The following ATP1A2 variants were observed in gnomAD, a reference collection of about 807,000 sequenced individuals.
ATP1A2 encodes sodium/potassium-transporting ATPase subunit alpha-2.
A neutral mutation model predicts 113.1 loss-of-function variants in ATP1A2; 56 were observed. The observed-to-expected ratio is 0.49, with a 90% CI of 0.40 to 0.62. The LOEUF (loss-of-function observed/expected upper bound fraction) is 0.62, where lower values mean the gene tolerates loss of function less well. Among genes scored for constraint, ATP1A2 ranks in the 20% least tolerant of loss-of-function variants. ATP1A2 has a pLI of 0.00. For missense variants in ATP1A2, 712 were observed against 1,357.8 expected, an observed-to-expected ratio of 0.52 and a Z score of 7.47; for synonymous variants, 490 against 526.8, an observed-to-expected ratio of 0.93 and a Z score of 0.96.
rs1212756648 is a variant in ATP1A2, at chr1:160,135,614, G to A, written c.2284+12G>A. ...GGGGGTGGAGGAGGGTGAGGAGGCT[G>A]CATGGGTTGGGATGGTTTGCAGGAT... On this transcript the variant is annotated intron_variant, in intron 16 of 22. Coordinates refer to ENST00000361216, the MANE Select transcript of ATP1A2 (RefSeq NM_000702.4). The surrounding 1 kb of genome is among the most constrained non-coding windows in gnomAD (Gnocchi z 6.3). 4.3e-6 allele frequency: 7 copies of A among 1,613,384 alleles called. No homozygotes were observed. The highest frequency in any genetic ancestry group is 5.1e-6 in the Non-Finnish European group (6 of 1,180,022).
chr1:160,121,614 T>C (rs1558002747), intron 3 of ATP1A2, among the ~76,000 whole-genome samples: 1 of 152,372 alleles, frequency 6.6e-6, no homozygotes, highest in East Asian at 1.9e-4. Flanking sequence ...CCCATTCCTG[T>C]GGTTACAGTG....
intron 1 of ATP1A2, among the ~76,000 whole-genome samples, chr1:160,120,242 G>A (rs1651349385): frequency 6.6e-6 from 1 of 152,014 alleles, no homozygotes; most frequent in Admixed American, 6.6e-5. Flanking sequence ...GGATGGAGAG[G>A]GCTCCCAGCA....
rs1421588242 is a variant in ATP1A2 at position 160,136,569 on chromosome 1, G to A, written c.2564-1G>A. 6.2e-7 allele frequency: 1 copy of A among 1,614,116 alleles called. No individual in the cohort carries two copies. The highest frequency in any genetic ancestry group is 8.5e-7 in the Non-Finnish European group (1 of 1,180,038). On this transcript the variant is annotated splice_acceptor_variant, in intron 18 of 22. Transcript: ENST00000361216. LOFTEE classifies it high-confidence loss of function. ...CCCTGCCTTTGGCCCTCTACCCACA[G>A]GGATGATCCAGGCACTGGGTGGCTT...
intron 1 of ATP1A2, among the ~76,000 whole-genome samples, chr1:160,119,030 T>C (rs1381115118): frequency 6.6e-6 from 1 of 151,776 alleles, no homozygotes; most frequent in Non-Finnish European, 1.5e-5. Context: ...ACTTAAACTA[T>C]GGGCTTTGGA....
chr1:160,131,711 A>C (rs1255047885), intron 13 of ATP1A2, among the ~76,000 whole-genome samples: 1 of 152,084 alleles, frequency 6.6e-6, no homozygotes, highest in African/African-American at 2.4e-5. Flanking sequence ...GGTGCCTGTA[A>C]TCCCAGCTCC....
chr1:160,121,113 C>T (rs970621634), intron 2 of ATP1A2, 79 bp from the exon 3 acceptor site: 19 of 1,600,398 alleles, frequency 1.2e-5, no homozygotes, highest in African/African-American at 1.1e-4. Context: ...TGCTGCTCAA[C>T]TCACCCCTGT....
At chr1:160,139,467 CAAAT>C (rs1233665218) in intron 20 of ATP1A2, among the ~76,000 whole-genome samples, 169 bp from the exon 21 acceptor site, 1 of 152,206 alleles carries the variant, frequency 6.6e-6, no homozygotes, top group Non-Finnish European at 1.5e-5. Flanking sequence ...AGCAGAAAAA[CAAAT>C]AACATCTTCC....
chr1:160,136,513 G>A, intron 18 of ATP1A2, 57 bp from the exon 19 acceptor site: 1 of 1,613,468 alleles, frequency 6.2e-7, no homozygotes, highest in Non-Finnish European at 8.5e-7. Flanking sequence ...CTGAGGGGCT[G>A]TGCCCCTTCT....
At chr1:160,121,282 A>C in intron 3 of ATP1A2, 31 bp downstream of exon 3, 2 of 1,612,666 alleles carry the variant, frequency 1.2e-6, no homozygotes, top group Non-Finnish European at 1.7e-6. Context: ...GGAAGGAACA[A>C]AAGAGGCAAG....
chr1:160,123,638 T>C (rs996670758), intron 4 of ATP1A2, among the ~76,000 whole-genome samples: 6 of 152,176 alleles, frequency 3.9e-5, no homozygotes, highest in African/African-American at 9.7e-5. Context: ...AATGAAACAA[T>C]CTCTCCCTGT....
intron 1 of ATP1A2, among the ~76,000 whole-genome samples, chr1:160,119,533 A>G (rs1335524883): frequency 6.6e-6 from 1 of 152,056 alleles, no homozygotes; most frequent in Non-Finnish European, 1.5e-5. Context: ...GGAACTTTTC[A>G]TGGCTACCCA....
rs1651663191 is a variant in ATP1A2 at position 160,128,675 on chromosome 1, G to A, written c.1041G>A (p.Lys347=). The change falls in exon 9 of 23, where the codon AAG becomes AAA. Residue 347 remains lysine (K), a synonymous_variant. Coordinates refer to ENST00000361216, the MANE Select transcript of ATP1A2 (RefSeq NM_000702.4). ...TVTVCLTLTA[K]RMARKNCLVK... is the part of the protein sequence containing the mutation. ...AGGTGTGCCTGACCCTGACAGCCAA[G>A]CGCATGGCACGGAAGAACTGCCTGG... is the stretch of plus-strand genomic sequence containing the variant. 3 of 1,614,192 alleles carry A rather than the reference G, an allele frequency of 1.9e-6. No homozygotes were observed. The highest frequency in any genetic ancestry group is 2.5e-6 in the Non-Finnish European group (3 of 1,180,046).
chr1:160,135,705 G>A lies in ATP1A2; in HGVS notation c.2284+103G>A. On this transcript the variant is annotated intron_variant, in intron 16 of 22. Transcript: ENST00000361216. This position sits in a 1 kb window ranked among gnomAD's most constrained non-coding sequence, Gnocchi z 6.3. Reference sequence around the variant, plus strand: ...TTGAAGAATCATTCCACAACTCTAGGCAGCCCAGCCCACTTTAGCTTCCCT... The same window carrying A: ...TTGAAGAATCATTCCACAACTCTAGACAGCCCAGCCCACTTTAGCTTCCCT... The A allele has an allele frequency of 6.2e-7, 1 of 1,610,296 alleles. No homozygotes were observed. The highest frequency in any genetic ancestry group is 1.3e-5 in the African/African-American group (1 of 74,880).
At chr1:160,124,986 T>A (rs1194027998) in intron 6 of ATP1A2, 150 bp from the exon 7 acceptor site, 1 of 705,814 alleles carries the variant, frequency 1.4e-6, no homozygotes, top group Non-Finnish European at 2.5e-6. Context: ...GGGCAATAGA[T>A]GAGTAATGCC....
Position 160,127,525 on chromosome 1 carries a change from C to A in ATP1A2, c.749-27C>A, listed in dbSNP as rs2295623. 167,281 of 1,613,650 alleles carry A rather than the reference C, an allele frequency of 0.1. 9,204 individuals are homozygous for A. Among genetic ancestry groups the A allele is most frequent in the East Asian group, 0.13 (5,771 of 44,874 alleles). On this transcript the variant is annotated intron_variant, in intron 7 of 22. Transcript: ENST00000361216. The stretch of plus-strand genomic sequence containing the variant: ...GCAGTCCCTGGGAGCCACAAGGCAC[C>A]CAACCTGATGCCCCACCATGTTGCA...
intron 1 of ATP1A2, among the ~76,000 whole-genome samples, chr1:160,116,532 T>A (rs1192985345): frequency 2.8e-5 from 1 of 35,902 alleles, no homozygotes; most frequent in Non-Finnish European, 6.3e-5. Flanking sequence ...CAGAGGCTGG[T>A]GACAGGTGAC....
At chr1:160,124,498 C>G (rs1313373198) in intron 6 of ATP1A2, 68 bp downstream of exon 6, 6 of 1,554,890 alleles carry the variant, frequency 3.9e-6, no homozygotes, top group Non-Finnish European at 4.3e-6. Flanking sequence ...CTGAGAGGGG[C>G]CCAGTGAGGT....
rs1205209013 is a variant in ATP1A2 at position 160,135,289 on chromosome 1, GA to G, written c.2110del (p.Arg704GlyfsTer8). 1 of 1,614,098 alleles carries G rather than the reference GA, an allele frequency of 6.2e-7. No homozygotes were observed. The highest frequency in any genetic ancestry group is 8.5e-7 in the Non-Finnish European group (1 of 1,180,044). On this transcript the variant is annotated frameshift_variant, in exon 15 of 23. Transcript: ENST00000361216. LOFTEE classifies it high-confidence loss of function. This position sits in a 1 kb window ranked among gnomAD's most constrained non-coding sequence, Gnocchi z 6.3. ...QKLIIVEGCQ[R>X]QGAIVAVTGD... ...AGCTCATCATTGTGGAGGGATGTCA[GA>G]GGCAGGTGAGCACAGCCACGGGAGG... is the stretch of plus-strand genomic sequence containing the variant.
chr1:160,128,684 A>T lies in ATP1A2; in HGVS notation c.1050A>T (p.Ala350=). The T allele has an allele frequency of 1.9e-6, 3 of 1,614,106 alleles. No homozygotes were observed. The highest frequency in any genetic ancestry group is 2.5e-6 in the Non-Finnish European group (3 of 1,180,028). The change falls in exon 9 of 23, where the codon GCA becomes GCT. Residue 350 remains alanine, a synonymous_variant. Coordinates refer to ENST00000361216, the MANE Select transcript of ATP1A2 (RefSeq NM_000702.4). ...TGACCCTGACAGCCAAGCGCATGGC[A>T]CGGAAGAACTGCCTGGTGAAGAACC... ...VCLTLTAKRM[A]RKNCLVKNLE...
Sources: allele counts gnomAD v4.1 joint callset (sites outside exome capture counted in the v4.1 genomes callset), GRCh38; gene constraint gnomAD v4.1.1; non-coding constraint Gnocchi (gnomAD v3.1); transcripts MANE v1.5; gene names NCBI Gene and HGNC (gene_info 2026-07-23, HGNC 2026-07-21).